The following GNG7 variants were observed in gnomAD, a reference collection of about 807,000 sequenced individuals.
GNG7 encodes G protein subunit gamma 7.
A neutral mutation model predicts 4.0 loss-of-function variants in GNG7; 1 was observed. The ratio of observed to expected loss-of-function variants is 0.25; its 90% CI spans 0.09 to 1.18. The LOEUF is 1.18. Ranked by LOEUF, GNG7 falls within the 50% of genes most tolerant of loss-of-function variation. The pLI is 0.50. For synonymous variants in GNG7, 34 were observed against 36.9 expected, an observed-to-expected ratio of 0.92 and a Z score of 0.29; for missense variants, 86 against 91.9, an observed-to-expected ratio of 0.94 and a Z score of 0.26.
chr19:2,678,298 G>C (rs559216816), intron 1 of GNG7, among the ~76,000 whole-genome samples: 5 of 152,328 alleles, frequency 3.3e-5, no homozygotes, highest in East Asian at 3.9e-4. Flanking sequence ...GAAGTGAAAG[G>C]TGACTTGTAG....
intron 2 of GNG7, among the ~76,000 whole-genome samples, chr19:2,574,414 T>C (rs72974891): frequency 0.085 from 12,979 of 152,172 alleles, 805 homozygotes; most frequent in African/African-American, 0.17. Flanking sequence ...TGGCACTCAC[T>C]CATCCTACTT....
intron 2 of GNG7, among the ~76,000 whole-genome samples, chr19:2,570,119 C>T (rs541055841): frequency 6.6e-5 from 10 of 152,132 alleles, no homozygotes; most frequent in African/African-American, 1.9e-4. Flanking sequence ...TGTTAGTTCA[C>T]GGACGACCTG....
intron 3 of GNG7, among the ~76,000 whole-genome samples, chr19:2,540,573 T>C (rs1288084529): frequency 6.6e-6 from 1 of 152,178 alleles, no homozygotes; most frequent in African/African-American, 2.4e-5. Flanking sequence ...TCCTGGGCTG[T>C]AAAGCCAAGA....
chr19:2,533,890 A>G (rs1024581955), intron 3 of GNG7, among the ~76,000 whole-genome samples: 8 of 152,200 alleles, frequency 5.3e-5, no homozygotes, highest in African/African-American at 1.9e-4. Flanking sequence ...ACTCTGCAAA[A>G]GCCTTAGAAC....
At position 2,604,129 on chromosome 19, in the gene GNG7, C is replaced by T. The variant is rs189451231; in HGVS notation, c.-78+42095G>A. Reference sequence around the variant, plus strand: ...CCCCCCAAAGTGCTAGGATTACAGGCGTGAGCCACCGTGCCGGGTCTCGAG... The same window carrying T: ...CCCCCCAAAGTGCTAGGATTACAGGTGTGAGCCACCGTGCCGGGTCTCGAG... On this transcript the variant is annotated intron_variant, in intron 2 of 4. Transcript: ENST00000382159. Among the ~76,000 whole-genome samples, 21 of 151,922 alleles carry T rather than the reference C, an allele frequency of 1.4e-4. No individual in the cohort carries two copies. The South Asian group carries it at 4.0e-3, about 29-fold the overall frequency.
At chr19:2,528,269 T>TAAAA (rs59084924) in intron 3 of GNG7, among the ~76,000 whole-genome samples, 4 of 78,828 alleles carry the variant, frequency 5.1e-5, no homozygotes, top group East Asian at 3.7e-4. Flanking sequence ...AGACCCTGTC[T>TAAAA]AAAAAAAAAA....
chr19:2,676,512 A>G (rs1238538183), intron 1 of GNG7, among the ~76,000 whole-genome samples: 1 of 152,130 alleles, frequency 6.6e-6, no homozygotes, highest in Admixed American at 6.6e-5. Context: ...GCCTGGCTCA[A>G]GCGATCCTCC....
intron 1 of GNG7, among the ~76,000 whole-genome samples, chr19:2,657,361 A>AAAAATAT (rs1555701153): frequency 6.1e-5 from 1 of 16,320 alleles, no homozygotes; most frequent in Non-Finnish European, 1.0e-4. Flanking sequence ...AAAAAAAAAA[A>AAAAATAT]ATATATATAT....
intron 2 of GNG7, among the ~76,000 whole-genome samples, chr19:2,558,206 A>G (rs764714566): frequency 1.7e-4 from 26 of 149,118 alleles, no homozygotes; most frequent in Non-Finnish European, 3.7e-4. Flanking sequence ...TATTTTCATC[A>G]TCCTTGCCAC....
At chr19:2,588,536 G>GGGC (rs1238209314) in intron 2 of GNG7, among the ~76,000 whole-genome samples, 1 of 152,232 alleles carries the variant, frequency 6.6e-6, no homozygotes, top group Non-Finnish European at 1.5e-5. Flanking sequence ...CAGGAGCCCA[G>GGGC]GGCGGCGGCA....
intron 3 of GNG7, among the ~76,000 whole-genome samples, chr19:2,550,936 G>A (rs1979297708): frequency 6.6e-6 from 1 of 152,194 alleles, no homozygotes; most frequent in African/African-American, 2.4e-5. Context: ...TGGGAACAGG[G>A]CCAGGGGACT....
At chr19:2,702,545 C>A (rs956775258) in intron 1 of GNG7, 101 bp downstream of exon 1, 5 of 152,212 alleles carry the variant, frequency 3.3e-5, no homozygotes, top group Non-Finnish European at 7.3e-5. Context: ...CGACTCCGAC[C>A]CCCAACTCGG....
intron 3 of GNG7, among the ~76,000 whole-genome samples, chr19:2,553,125 C>CAAA (rs36098274): frequency 4.6e-4 from 52 of 112,382 alleles, no homozygotes; most frequent in Admixed American, 1.6e-3. Flanking sequence ...AAAGCAAAAC[C>CAAA]AAAAAAAAAA....
intron 3 of GNG7, among the ~76,000 whole-genome samples, chr19:2,524,439 A>G (rs1978331766): frequency 6.6e-6 from 1 of 152,222 alleles, no homozygotes; most frequent in Non-Finnish European, 1.5e-5. Context: ...ATGTGTGTGC[A>G]CATGTGCATG....
rs538505646 is a variant in GNG7 at position 2,600,327 on chromosome 19, T to C, written c.-77-45139A>G. On this transcript the variant is annotated intron_variant, in intron 2 of 4. Coordinates refer to ENST00000382159, the MANE Select transcript of GNG7 (RefSeq NM_052847.3). ...TACATTTTTGCAAATTTCTTTCATGTCTGGCTTAATAGAAGACAGCTGGAT... is the reference window on the plus strand; with the variant it reads ...TACATTTTTGCAAATTTCTTTCATGCCTGGCTTAATAGAAGACAGCTGGAT... Among the ~76,000 whole-genome samples, 39 of 152,078 alleles carry C rather than the reference T, an allele frequency of 2.6e-4. 1 individual carries two copies. The East Asian group carries it at 3.7e-3, about 14-fold the overall frequency.
At chr19:2,532,346 A>G (rs747581488) in intron 3 of GNG7, among the ~76,000 whole-genome samples, 29 of 152,220 alleles carry the variant, frequency 1.9e-4, no homozygotes, top group Non-Finnish European at 3.4e-4. Flanking sequence ...GGAGAAAATG[A>G]CAATATCTGA....
rs544268495 is a variant in GNG7, at chr19:2,605,758, C to T, written c.-78+40466G>A. On this transcript the variant is annotated intron_variant, in intron 2 of 4. Coordinates refer to ENST00000382159, the MANE Select transcript of GNG7 (RefSeq NM_052847.3). ...CGATCTCCTGACCTCGTGATCTGCCCGCCTTGGCCTCCCAAAGTGCTGGGA... is the reference window on the plus strand; with the variant it reads ...CGATCTCCTGACCTCGTGATCTGCCTGCCTTGGCCTCCCAAAGTGCTGGGA... 1.1e-3 allele frequency among the ~76,000 whole-genome samples: 170 copies of T among 147,940 alleles called. 1 individual carries two copies. The South Asian group carries it at 0.016, about 14-fold the overall frequency.
rs913781741 is a variant in GNG7, at chr19:2,514,445, C to A, written c.*577G>T. 1 of 153,336 alleles carries A rather than the reference C, an allele frequency of 6.5e-6. No individual in the cohort carries two copies. The highest frequency in any genetic ancestry group is 1.4e-5 in the Non-Finnish European group (1 of 68,986). The allele number at this position is 153,336 out of a possible 1,614,324, so 9.5% of individuals were successfully genotyped here. ...TAGCGACGGGTTCAACCATCACAAT[C>A]CGAGTTTAGCCGTATGGAGTAACAA... On this transcript the variant is annotated 3_prime_UTR_variant, in exon 5 of 5. Coordinates refer to ENST00000382159, the MANE Select transcript of GNG7 (RefSeq NM_052847.3).
intron 2 of GNG7, among the ~76,000 whole-genome samples, chr19:2,619,352 T>C (rs570845182): frequency 1.3e-5 from 2 of 152,188 alleles, no homozygotes; most frequent in Admixed American, 1.3e-4. Flanking sequence ...CCCGCTACAA[T>C]GGCAGGCAGA....
Sources: allele counts gnomAD v4.1 joint callset (sites outside exome capture counted in the v4.1 genomes callset), GRCh38; gene constraint gnomAD v4.1.1; transcripts MANE v1.5; gene names NCBI Gene and HGNC (gene_info 2026-07-23, HGNC 2026-07-21).